Variants in PALM2AKAP2 observed in about 807,000 individuals in gnomAD.
PALM2AKAP2 encodes the protein PALM2 and AKAP2 fusion.
PALM2AKAP2 carries 37 observed loss-of-function variants against 71.5 expected under a neutral mutation model. The observed-to-expected ratio is 0.52, with a 90% confidence interval of 0.40 to 0.68. The LOEUF (loss-of-function observed/expected upper bound fraction) is 0.68, where lower values mean the gene tolerates loss of function less well. Ranked by LOEUF, PALM2AKAP2 falls within the 30% of genes least tolerant of loss-of-function variation. The pLI is 0.00. For missense variants in PALM2AKAP2, 1,224 were observed against 1,191.8 expected (o/e 1.03, Z -0.40); for synonymous variants, 468 against 478.8 (o/e 0.98, Z 0.29).
intron 1 of PALM2AKAP2, among the ~76,000 whole-genome samples, chr9:109,648,474 G>C (rs1050782767): frequency 6.6e-6 from 1 of 152,126 alleles, no homozygotes; most frequent in African/African-American, 2.4e-5. Flanking sequence ...TTGTGTTAGA[G>C]GAGACAGACA....
chr9:110,156,394 A>G, exon 3 of PALM2AKAP2: 1 of 1,612,914 alleles, frequency 6.2e-7, no homozygotes, highest in African/African-American at 1.3e-5. Context: ...TTAGCCCCTG[A>G]AGAGGCTGCC....
chr9:109,792,299 T>C (rs896441900), intron 1 of PALM2AKAP2, among the ~76,000 whole-genome samples: 1 of 152,176 alleles, frequency 6.6e-6, no homozygotes, highest in Non-Finnish European at 1.5e-5. Context: ...CTTATTAAAT[T>C]CTTTAATTTG....
intron 3 of PALM2AKAP2, among the ~76,000 whole-genome samples, chr9:109,900,184 C>T (rs1297487751): frequency 6.6e-6 from 1 of 152,146 alleles, no homozygotes; most frequent in Non-Finnish European, 1.5e-5. Context: ...GATTGGCATG[C>T]AATCATGACA....
At chr9:110,118,037 A>G (rs1018559107) in intron 1 of PALM2AKAP2, among the ~76,000 whole-genome samples, 3 of 148,724 alleles carry the variant, frequency 2.0e-5, no homozygotes, top group African/African-American at 5.0e-5. Context: ...AAGAATTTCT[A>G]CTACAGCCAT....
chr9:110,037,391 G>C (rs1564272704), intron 7 of PALM2AKAP2, among the ~76,000 whole-genome samples: 2 of 152,040 alleles, frequency 1.3e-5, no homozygotes, highest in South Asian at 4.1e-4. Flanking sequence ...TTTTTAGTAG[G>C]GACGGGGTTA....
intron 6 of PALM2AKAP2, among the ~76,000 whole-genome samples, chr9:109,958,967 C>T (rs922016136): frequency 6.6e-6 from 1 of 152,222 alleles, no homozygotes; most frequent in African/African-American, 2.4e-5. Flanking sequence ...GAGTCTGAAT[C>T]TTCCTTTTAA....
chr9:110,034,766 G>C (rs571243880), intron 7 of PALM2AKAP2, among the ~76,000 whole-genome samples: 1 of 151,698 alleles, frequency 6.6e-6, no homozygotes, highest in African/African-American at 2.4e-5. Context: ...CACCATGCCT[G>C]GCTAATTTTT....
intron 1 of PALM2AKAP2, among the ~76,000 whole-genome samples, chr9:109,714,271 T>A (rs1051887462): frequency 6.6e-6 from 1 of 152,144 alleles, no homozygotes; most frequent in African/African-American, 2.4e-5. Flanking sequence ...CCACCTTAGG[T>A]TCATTACGAA....
At chr9:110,037,339 TG>T (rs1440868907) in intron 7 of PALM2AKAP2, among the ~76,000 whole-genome samples, 1 of 152,172 alleles carries the variant, frequency 6.6e-6, no homozygotes, top group East Asian at 1.9e-4. Context: ...CCCGAGTAGC[TG>T]GGATTACAGA....
Position 110,156,303 on chromosome 9 carries a change from C to T in PALM2AKAP2, c.2570-16C>T. On this transcript the variant is annotated splice_polypyrimidine_tract_variant and intron_variant, in intron 2 of 3. Transcript: ENST00000374525. ...CAGACAAGCTTAGAAAGGGTATTTT[C>T]TTCGTGTTGTTTCAGGGAAAATAGA... The T allele has an allele frequency of 6.4e-7, 1 of 1,552,088 alleles. No homozygotes were observed. The highest frequency in any genetic ancestry group is 1.2e-5 in the South Asian group (1 of 81,106).
chr9:109,789,799 G>A (rs1307951217), intron 1 of PALM2AKAP2, among the ~76,000 whole-genome samples: 1 of 152,178 alleles, frequency 6.6e-6, no homozygotes, highest in Non-Finnish European at 1.5e-5. Context: ...GGGGCAGTGC[G>A]TGTTGGAGCT....
intron 6 of PALM2AKAP2, among the ~76,000 whole-genome samples, chr9:109,971,283 CTTTTTTTTTTT>C (rs11392589): frequency 0.2 from 9,052 of 46,184 alleles, 598 homozygotes; most frequent in East Asian, 0.27. Flanking sequence ...CTCTTAGTCC[CTTTTTTTTTTT>C]TTTTTTTTTT....
intron 1 of PALM2AKAP2, among the ~76,000 whole-genome samples, chr9:109,785,479 G>A (rs778127327): frequency 2.6e-5 from 4 of 152,128 alleles, no homozygotes; most frequent in East Asian, 1.9e-4. Flanking sequence ...CGTTTTCACC[G>A]TGCTGATAAA....
intron 1 of PALM2AKAP2, among the ~76,000 whole-genome samples, chr9:109,714,757 TC>T (rs1308219885): frequency 2.6e-5 from 4 of 152,192 alleles, no homozygotes; most frequent in Non-Finnish European, 5.9e-5. Context: ...GGTGAGCCCC[TC>T]TCTAGGAATT....
Position 109,867,162 on chromosome 9 carries a change from CTCTG to C in PALM2AKAP2, c.46-327_46-324del, listed in dbSNP as rs781395257. ...AATTAACACTGCACAGAACATGGTT[CTCTG>C]TGTGTGTGTGTGTGTGTGTGTGTGT... On this transcript the variant is annotated intron_variant, in intron 1 of 9. Coordinates refer to the PALM2AKAP2 transcript ENST00000302798. 6.8e-5 allele frequency: 26 copies of C among 381,338 alleles called. No homozygotes were observed. The African/African-American group carries it at 7.9e-4, about 12-fold the overall frequency. The allele number at this position is 381,338 out of a possible 1,614,324, so 23.6% of individuals were successfully genotyped here.
chr9:109,995,726 G>A (rs149138755), intron 6 of PALM2AKAP2, among the ~76,000 whole-genome samples: 19 of 152,316 alleles, frequency 1.2e-4, no homozygotes, highest in African/African-American at 4.1e-4. Flanking sequence ...CTCCCATGGC[G>A]TGGGCATTAT....
At chr9:109,686,670 CT>C (rs1158168871) in intron 1 of PALM2AKAP2, among the ~76,000 whole-genome samples, 3 of 151,592 alleles carry the variant, frequency 2.0e-5, no homozygotes, top group Non-Finnish European at 4.4e-5. Context: ...GAGCATTAAC[CT>C]TTGCAATTTA....
chr9:110,101,279 G>A (rs116606382), intron 1 of PALM2AKAP2, among the ~76,000 whole-genome samples: 3,456 of 152,120 alleles, frequency 0.023, 119 homozygotes, highest in African/African-American at 0.079. Flanking sequence ...GAGGTTTGCT[G>A]TGTGTGTTTG....
At chr9:110,168,491 C>A (rs553092735) in exon 4 of PALM2AKAP2, 1 of 1,614,022 alleles carries the variant, frequency 6.2e-7, no homozygotes, top group South Asian at 1.1e-5. Context: ...AAGAAGACAA[C>A]GAATAAACTT....
Sources: gnomAD v4.1 joint callset for allele counts (sites outside exome capture counted in the v4.1 genomes callset) on GRCh38, gnomAD v4.1.1 for gene constraint, MANE v1.5 for transcripts, NCBI Gene and HGNC (gene_info 2026-07-23, HGNC 2026-07-21) for gene names.